Variants in CCDC197 observed in about 807,000 individuals in gnomAD.
CCDC197 encodes coiled-coil domain containing 197.
CCDC197 carries 24 observed loss-of-function variants against 13.4 expected under a neutral mutation model. The ratio of observed to expected loss-of-function variants is 1.80; its 90% CI spans 1.30 to 2.53. The LOEUF (loss-of-function observed/expected upper bound fraction) is 2.53, where lower values mean the gene tolerates loss of function less well. Ranked by LOEUF, CCDC197 falls within the 30% of genes most tolerant of loss-of-function variation. CCDC197 has a pLI of 0.00. For missense variants in CCDC197, 255 were observed against 148.8 expected, an observed-to-expected ratio of 1.71 and a Z score of -3.71; for synonymous variants, 99 against 55.5, an observed-to-expected ratio of 1.78 and a Z score of -3.48.
At position 94,003,739 on chromosome 14, in the gene CCDC197, TCTC is replaced by T. The variant is rs1229838680; in HGVS notation, c.498+388_498+390del. 6.6e-6 allele frequency among the ~76,000 whole-genome samples: 1 copy of T among 152,034 alleles called. No homozygotes were observed. Among genetic ancestry groups the T allele is most frequent in the African/African-American group, 2.4e-5 (1 of 41,414 alleles). On this transcript the variant is annotated intron_variant, in intron 5 of 6. Transcript: ENST00000636493. This position sits in a 1 kb window ranked among gnomAD's most constrained non-coding sequence, Gnocchi z 5.0. Reference sequence around the variant, plus strand: ...CACAGACAGACCCACACCACTTTCTTCTCCTTGGTGACAGTTTGCTTTCAAAGG... The same window carrying T: ...CACAGACAGACCCACACCACTTTCTTCTTGGTGACAGTTTGCTTTCAAAGG...
At chr14:94,008,957 TG>T, downstream of CCDC197, 1 of 577,102 alleles carries the variant, frequency 1.7e-6, no homozygotes, top group South Asian at 2.2e-5. Flanking sequence ...CAGCTAGGGT[TG>T]GGGGTGCTGC....
intron 2 of CCDC197, among the ~76,000 whole-genome samples, chr14:93,998,733 C>A (rs1244674701): frequency 6.6e-6 from 1 of 152,270 alleles, no homozygotes; most frequent in African/African-American, 2.4e-5. Context: ...AGAGGCCTTC[C>A]TGATCCCAAT....
downstream of CCDC197, among the ~76,000 whole-genome samples, chr14:94,010,811 G>A (rs1890795913): frequency 6.6e-6 from 1 of 152,194 alleles, no homozygotes; most frequent in South Asian, 2.1e-4. Flanking sequence ...ATGCCTCTCT[G>A]TTCTCTGTCT....
At chr14:93,993,104 C>T (rs1890236672), upstream of CCDC197, among the ~76,000 whole-genome samples, 1 of 152,196 alleles carries the variant, frequency 6.6e-6, no homozygotes, top group South Asian at 2.1e-4. Context: ...CTTTGCCAGC[C>T]AACCCCAGCA....
At position 94,008,590 on chromosome 14, in the gene CCDC197, G is replaced by A. The variant is rs1890748996; in HGVS notation, c.616-19G>A. 1 of 697,264 alleles carries A rather than the reference G, an allele frequency of 1.4e-6. No individual in the cohort carries two copies. The highest frequency in any genetic ancestry group is 2.6e-6 in the Non-Finnish European group (1 of 380,116). The allele number at this position is 697,264 out of a possible 1,614,324, so 43.2% of individuals were successfully genotyped here. A position where few individuals can be genotyped will look rare whatever the true frequency, so the allele number is the denominator to read the frequency against. The stretch of plus-strand genomic sequence containing the variant: ...GAGGCCAAAACACTGTCAGGTGAGA[G>A]ATTTATTTTCCCTCCCAGGAGTTCA... On this transcript the variant is annotated intron_variant, in intron 6 of 6. Transcript: ENST00000636493.
upstream of CCDC197, among the ~76,000 whole-genome samples, chr14:93,996,488 C>T (rs919451242): frequency 7.2e-5 from 11 of 152,312 alleles, no homozygotes; most frequent in African/African-American, 2.4e-4. Flanking sequence ...ACTCCAGCCA[C>T]AGACCTGAAC....
At chr14:94,002,794 A>G (rs1890561575) in intron 4 of CCDC197, among the ~76,000 whole-genome samples, 2 of 149,978 alleles carry the variant, frequency 1.3e-5, no homozygotes. Context: ...CGGAGGTCGC[A>G]GTAAGCCAAG....
chr14:93,992,409 C>T (rs1189054169), upstream of CCDC197, among the ~76,000 whole-genome samples: 19 of 152,168 alleles, frequency 1.2e-4, no homozygotes. Flanking sequence ...CATGGAGGGG[C>T]ATGACTTGAA....
At chr14:94,001,577 G>A (rs189623957) in intron 4 of CCDC197, 2 of 363,348 alleles carry the variant, frequency 5.5e-6, no homozygotes, top group East Asian at 9.3e-5. Flanking sequence ...CAGAGGGACT[G>A]GAGCTCGGCT....
At chr14:94,002,902 G>T (rs1427185581) in intron 4 of CCDC197, among the ~76,000 whole-genome samples, 2 of 151,148 alleles carry the variant, frequency 1.3e-5, no homozygotes, top group Admixed American at 1.3e-4. Flanking sequence ...TAATGGACTC[G>T]CAGTTCTACA....
rs976821831 is a variant in CCDC197 at position 94,001,273 on chromosome 14, G to C, written c.316G>C (p.Val106Leu). ...GGCCTTCTGCCAGATGATCCAGGCTGTCCACCGGAGCCTGGAGTCTCTGGA... is the reference window on the plus strand; with the variant it reads ...GGCCTTCTGCCAGATGATCCAGGCTCTCCACCGGAGCCTGGAGTCTCTGGA... ...LEAFCQMIQA[V>L]HRSLESLEED... The change falls in exon 4 of 7, where the codon GTC (valine) becomes CTC (leucine). Residue 106 changes from valine (V) to leucine (L), a missense_variant. Val to Leu is a conservative substitution (Grantham distance 32). Coordinates refer to ENST00000636493, the MANE Select transcript of CCDC197 (RefSeq NM_001351596.2). 1.3e-6 allele frequency: 1 copy of C among 780,688 alleles called. No individual in the cohort carries two copies. Among genetic ancestry groups the C allele is most frequent in the Non-Finnish European group, 2.4e-6 (1 of 417,978 alleles). 48.4% of individuals were successfully genotyped at this position (780,688 alleles called of 1,614,324 possible). A position where few individuals can be genotyped will look rare whatever the true frequency, so the allele number is the denominator to read the frequency against.
chr14:93,995,407 G>C (rs1265960982), upstream of CCDC197, among the ~76,000 whole-genome samples: 1 of 152,170 alleles, frequency 6.6e-6, no homozygotes. Flanking sequence ...CCTACAGAAT[G>C]GTACCCTGGA....
chr14:93,995,187 T>C (rs1183702967), upstream of CCDC197, among the ~76,000 whole-genome samples: 1 of 152,156 alleles, frequency 6.6e-6, no homozygotes, highest in East Asian at 1.9e-4. Flanking sequence ...GCTCTGACCA[T>C]TTCTGAGTGG....
At chr14:93,989,036 A>G (rs1430639440) in intron 1 of CCDC197, among the ~76,000 whole-genome samples, 1 of 151,972 alleles carries the variant, frequency 6.6e-6, no homozygotes, top group African/African-American at 2.4e-5. Context: ...ATCCTGATAC[A>G]AAGAGATTGT....
At chr14:94,004,480 G>A (rs1890624389) in intron 5 of CCDC197, among the ~76,000 whole-genome samples, 1 of 152,156 alleles carries the variant, frequency 6.6e-6, no homozygotes, top group Non-Finnish European at 1.5e-5. Flanking sequence ...AGTCTACAGA[G>A]CCCCTTTGAG....
downstream of CCDC197, among the ~76,000 whole-genome samples, chr14:94,010,682 G>T (rs997164900): frequency 2.6e-5 from 4 of 152,308 alleles, no homozygotes; most frequent in African/African-American, 9.6e-5. Flanking sequence ...ATTTTGGCTG[G>T]AGCATGCGGA....
intron 2 of CCDC197, 80 bp downstream of exon 2, chr14:93,998,315 GT>G: frequency 2.8e-6 from 2 of 722,186 alleles, no homozygotes; most frequent in Admixed American, 3.9e-5. Flanking sequence ...TAGCAAACAT[GT>G]CCCCGAGGAG....
chr14:93,996,803 C>T (rs752104446), upstream of CCDC197, among the ~76,000 whole-genome samples: 37 of 152,328 alleles, frequency 2.4e-4, no homozygotes, highest in Non-Finnish European at 4.6e-4. Context: ...ACCCCACCTT[C>T]CCCGGTGGCA....
chr14:93,989,197 C>G (rs1890164950), intron 1 of CCDC197, among the ~76,000 whole-genome samples: 1 of 152,028 alleles, frequency 6.6e-6, no homozygotes, highest in Admixed American at 6.5e-5. Flanking sequence ...CTGCCGCAGA[C>G]CCTAGGGAGT....
Sources: allele counts gnomAD v4.1 joint callset (sites outside exome capture counted in the v4.1 genomes callset), GRCh38; gene constraint gnomAD v4.1.1; non-coding constraint Gnocchi (gnomAD v3.1); transcripts MANE v1.5; gene names NCBI Gene and HGNC (gene_info 2026-07-23, HGNC 2026-07-21).